The following CACNA2D3 variants were observed in gnomAD, a reference collection of about 807,000 sequenced individuals.
CACNA2D3 encodes the protein voltage-dependent calcium channel subunit alpha-2/delta-3.
CACNA2D3 carries 60 observed loss-of-function variants against 160.6 expected under a neutral mutation model. That is an observed-to-expected ratio of 0.37 (90% CI 0.30 to 0.46). CACNA2D3 has a LOEUF of 0.46. Ranked by LOEUF, CACNA2D3 falls within the 20% of genes least tolerant of loss-of-function variation. The probability of loss-of-function intolerance (pLI) is 1.00; values close to 1 mark genes in which losing one functional copy is unlikely to be tolerated. For synonymous variants in CACNA2D3, 558 were observed against 492.9 expected (o/e 1.13, Z -1.75); for missense variants, 1,205 against 1,365.0 (o/e 0.88, Z 1.85).
intron 2 of CACNA2D3, among the ~76,000 whole-genome samples, chr3:54,298,063 A>C (rs1301467542): frequency 6.6e-6 from 1 of 152,244 alleles, no homozygotes; most frequent in Non-Finnish European, 1.5e-5. Flanking sequence ...CATTGGGAAG[A>C]TGAATGAGCG....
At chr3:54,778,918 C>T (rs1421713909) in intron 13 of CACNA2D3, among the ~76,000 whole-genome samples, 1 of 152,154 alleles carries the variant, frequency 6.6e-6, no homozygotes, top group Non-Finnish European at 1.5e-5. Flanking sequence ...TCTCAGGTAC[C>T]CAGCACCACC....
chr3:55,005,032 T>G (rs537019461), intron 32 of CACNA2D3, among the ~76,000 whole-genome samples, 194 bp downstream of exon 32: 1 of 151,618 alleles, frequency 6.6e-6, no homozygotes, highest in East Asian at 1.9e-4. Context: ...TCCCAGCACT[T>G]TGGGAGGCCG....
At chr3:54,838,404 A>T (rs936062538) in intron 15 of CACNA2D3, among the ~76,000 whole-genome samples, 164 bp from the exon 16 acceptor site, 8 of 152,120 alleles carry the variant, frequency 5.3e-5, no homozygotes, top group African/African-American at 1.9e-4. Context: ...TTTTGGGTGG[A>T]GGGTGGGGGA....
chr3:54,314,563 CA>C (rs1703820455), intron 2 of CACNA2D3, among the ~76,000 whole-genome samples: 2 of 152,144 alleles, frequency 1.3e-5, no homozygotes, highest in Non-Finnish European at 2.9e-5. Context: ...TCCACACCAA[CA>C]TATATTATTT....
At chr3:54,294,890 G>T (rs1335201432) in intron 2 of CACNA2D3, among the ~76,000 whole-genome samples, 1 of 152,156 alleles carries the variant, frequency 6.6e-6, no homozygotes, top group Non-Finnish European at 1.5e-5. Context: ...GGTTTGAAAT[G>T]TAGGGAGAGA....
At chr3:55,008,161 G>T (rs1222091835) in intron 33 of CACNA2D3, among the ~76,000 whole-genome samples, 4 of 152,234 alleles carry the variant, frequency 2.6e-5, no homozygotes, top group Non-Finnish European at 5.9e-5. Flanking sequence ...TGGGTGGGCT[G>T]TGGTCAGAAG....
Position 54,305,226 on chromosome 3 carries a change from AT to A in CACNA2D3, c.205-15211del, listed in dbSNP as rs1001309447. Among the ~76,000 whole-genome samples, 67 of 152,294 alleles carry A rather than the reference AT, an allele frequency of 4.4e-4. 1 individual carries two copies. The highest frequency in any genetic ancestry group is 1.5e-3 in the African/African-American group (62 of 41,566). On this transcript the variant is annotated intron_variant, in intron 2 of 37. Transcript: ENST00000474759. ...TTTCTTTGAACTTGACACTTTATGT[AT>A]TTTTAATCACACAAATAATACATGA...
intron 2 of CACNA2D3, among the ~76,000 whole-genome samples, chr3:54,174,965 C>CT (rs1301176516): frequency 6.6e-6 from 1 of 152,060 alleles, no homozygotes; most frequent in Non-Finnish European, 1.5e-5. Flanking sequence ...TGCTATAGGC[C>CT]TTTTGGTTGA....
Position 54,581,799 on chromosome 3 carries a change from G to A in CACNA2D3, c.889-4G>A, listed in dbSNP as rs1222042984. 4 of 1,609,966 alleles carry A rather than the reference G, an allele frequency of 2.5e-6. No individual in the cohort carries two copies. Among genetic ancestry groups the A allele is most frequent in the Non-Finnish European group, 3.4e-6 (4 of 1,178,214 alleles). The stretch of plus-strand genomic sequence containing the variant: ...TGTTCCTTCTTGACTTTTTTCCTTT[G>A]CAGTATAATGAGGAGCTTCACTATG... On this transcript the variant is annotated splice_region_variant and splice_polypyrimidine_tract_variant and intron_variant, in intron 8 of 37. Coordinates refer to ENST00000474759, the MANE Select transcript of CACNA2D3 (RefSeq NM_018398.3).
intron 35 of CACNA2D3, among the ~76,000 whole-genome samples, chr3:55,049,621 G>A (rs558746684): frequency 5.4e-5 from 8 of 148,566 alleles, no homozygotes; most frequent in African/African-American, 1.3e-4. Context: ...TACTAGGTCC[G>A]CTTGGTGCAG....
chr3:55,059,473 T>C (rs1420217531), intron 35 of CACNA2D3, among the ~76,000 whole-genome samples: 2 of 152,204 alleles, frequency 1.3e-5, no homozygotes, highest in East Asian at 3.9e-4. Flanking sequence ...CTGTGGCTGC[T>C]GCTCAAACCC....
At chr3:54,653,698 G>A (rs1699819394) in intron 11 of CACNA2D3, among the ~76,000 whole-genome samples, 1 of 152,180 alleles carries the variant, frequency 6.6e-6, no homozygotes, top group Admixed American at 6.5e-5. Flanking sequence ...ACTGATGCAC[G>A]GCTGCTGCCA....
intron 27 of CACNA2D3, chr3:54,924,639 A>G (rs1390327902): frequency 1.2e-6 from 2 of 1,613,986 alleles, no homozygotes; most frequent in South Asian, 2.2e-5. Flanking sequence ...AAATTTCTCC[A>G]GCCAGAGTTT....
chr3:54,196,608 T>C (rs1701085165), intron 2 of CACNA2D3, among the ~76,000 whole-genome samples: 1 of 152,244 alleles, frequency 6.6e-6, no homozygotes. Context: ...GTTCCTATGG[T>C]ATATGCAGGG....
intron 5 of CACNA2D3, among the ~76,000 whole-genome samples, chr3:54,546,712 G>A (rs112995240): frequency 6.3e-5 from 2 of 31,588 alleles, no homozygotes; most frequent in South Asian, 1.2e-3. Context: ...ACACACACGC[G>A]CGCACACACA....
At chr3:54,375,703 G>A (rs1238972974) in intron 3 of CACNA2D3, among the ~76,000 whole-genome samples, 2 of 137,278 alleles carry the variant, frequency 1.5e-5, no homozygotes, top group Non-Finnish European at 3.4e-5. Context: ...CAAACAGGGA[G>A]TGCTGCCATC....
intron 6 of CACNA2D3, 41 bp downstream of exon 6, chr3:54,562,972 A>G (rs564994944): frequency 4.5e-5 from 71 of 1,575,688 alleles, no homozygotes; most frequent in South Asian, 3.0e-4. Context: ...CAGATTAATG[A>G]TAACTGATAA....
intron 17 of CACNA2D3, 36 bp from the exon 18 acceptor site, chr3:54,871,503 T>C (rs774861457): frequency 1.2e-5 from 18 of 1,541,550 alleles, no homozygotes; most frequent in Non-Finnish European, 1.6e-5. Context: ...TCACGGACTT[T>C]TGTTTTTCTT....
At chr3:54,914,660 G>A (rs1700624316) in intron 27 of CACNA2D3, among the ~76,000 whole-genome samples, 1 of 152,188 alleles carries the variant, frequency 6.6e-6, no homozygotes, top group Non-Finnish European at 1.5e-5. Flanking sequence ...TCTCTGAATG[G>A]GGTAGGGGTT....
Sources: gnomAD v4.1 joint callset for allele counts (sites outside exome capture counted in the v4.1 genomes callset) on GRCh38, gnomAD v4.1.1 for gene constraint, MANE v1.5 for transcripts, NCBI Gene and HGNC (gene_info 2026-07-23, HGNC 2026-07-21) for gene names.